Variants in CFAP20DC observed in about 807,000 individuals in gnomAD.
CFAP20DC encodes CFAP20 domain containing.
A neutral mutation model predicts 101.7 loss-of-function variants in CFAP20DC; 84 were observed. That is an observed-to-expected ratio of 0.83 (90% CI 0.69 to 0.99). The LOEUF (loss-of-function observed/expected upper bound fraction) is 0.99. CFAP20DC is among the 50% of genes least tolerant of loss of function. The pLI, the probability that CFAP20DC is intolerant of heterozygous loss-of-function variation, is 0.00. For synonymous variants in CFAP20DC, 359 were observed against 351.2 expected (o/e 1.02, Z -0.25); for missense variants, 1,007 against 970.3 (o/e 1.04, Z -0.50).
At chr3:58,787,089 T>C (rs2072412090) in intron 15 of CFAP20DC, among the ~76,000 whole-genome samples, 1 of 151,866 alleles carries the variant, frequency 6.6e-6, no homozygotes, top group Non-Finnish European at 1.5e-5. Flanking sequence ...AACAGTGCTA[T>C]AAAAATATAA....
At chr3:58,805,172 C>G (rs189276478) in intron 15 of CFAP20DC, among the ~76,000 whole-genome samples, 1 of 152,180 alleles carries the variant, frequency 6.6e-6, no homozygotes, top group Non-Finnish European at 1.5e-5. Context: ...GAAGTTCAGA[C>G]GTAGTCTGTT....
At chr3:58,834,388 T>C (rs1393859832) in intron 13 of CFAP20DC, among the ~76,000 whole-genome samples, 1 of 152,194 alleles carries the variant, frequency 6.6e-6, no homozygotes. Context: ...CAATACACAC[T>C]TTTACAATGA....
At position 58,882,108 on chromosome 3, in the gene CFAP20DC, T is replaced by A. The variant is rs553600893; in HGVS notation, c.715+2437A>T. Among the ~76,000 whole-genome samples, 2 of 152,132 alleles carry A rather than the reference T, an allele frequency of 1.3e-5. No homozygotes were observed. The highest frequency in any genetic ancestry group is 4.8e-5 in the African/African-American group (2 of 41,464). Reference sequence around the variant, plus strand: ...ACCCTATGGTTACAAACGAATATAATTGGGATTCACAGAGCAGAAGAAATA... The same window carrying A: ...ACCCTATGGTTACAAACGAATATAAATGGGATTCACAGAGCAGAAGAAATA... On this transcript the variant is annotated intron_variant, in intron 7 of 16. Transcript: ENST00000482387. This position sits in a 1 kb window ranked among gnomAD's most constrained non-coding sequence, Gnocchi z 4.2.
chr3:58,822,227 A>T (rs1322796114), intron 14 of CFAP20DC, among the ~76,000 whole-genome samples: 3 of 151,134 alleles, frequency 2.0e-5, no homozygotes, highest in Non-Finnish European at 4.4e-5. Context: ...GCACATCAGC[A>T]TGGCACATGT....
chr3:58,778,755 G>A (rs572610557), intron 15 of CFAP20DC, among the ~76,000 whole-genome samples: 6 of 152,166 alleles, frequency 3.9e-5, no homozygotes, highest in African/African-American at 9.7e-5. Context: ...ATTGAGGTCC[G>A]GAGACTGGCT....
At chr3:58,816,258 G>C (rs937842513) in intron 14 of CFAP20DC, among the ~76,000 whole-genome samples, 6 of 152,100 alleles carry the variant, frequency 3.9e-5, no homozygotes, top group Non-Finnish European at 5.9e-5. Context: ...ACTATCGCAA[G>C]AACAAAAAAC....
intron 4 of CFAP20DC, 114 bp from the exon 5 acceptor site, chr3:58,937,876 T>A: frequency 1.5e-6 from 1 of 662,024 alleles, no homozygotes; most frequent in Non-Finnish European, 2.6e-6. Context: ...AACAGGAAGA[T>A]CAAACACAGA....
chr3:58,830,654 T>C (rs1244865930), intron 14 of CFAP20DC, among the ~76,000 whole-genome samples: 1 of 152,218 alleles, frequency 6.6e-6, no homozygotes, highest in African/African-American at 2.4e-5. Flanking sequence ...AATCTTTATA[T>C]AGTTATATAT....
chr3:58,855,629 G>C (rs1185893966), intron 12 of CFAP20DC, among the ~76,000 whole-genome samples: 1 of 152,100 alleles, frequency 6.6e-6, no homozygotes, highest in South Asian at 2.1e-4. Flanking sequence ...ATGTGGCACA[G>C]ATACACCATG....
rs1266404407 is a variant in CFAP20DC at position 58,724,773 on chromosome 3, C to G, written c.198-7145G>C. On this transcript the variant is annotated intron_variant, in intron 3 of 3. Transcript: ENST00000486145. This position sits in a 1 kb window ranked among gnomAD's most constrained non-coding sequence, Gnocchi z 5.6. Reference sequence around the variant, plus strand: ...TATGAACTCTTAACCTGTCTCTTCTCAATCCTTTGTCGCCACCGGACTTCG... The same window carrying G: ...TATGAACTCTTAACCTGTCTCTTCTGAATCCTTTGTCGCCACCGGACTTCG... Among the ~76,000 whole-genome samples the G allele has an allele frequency of 1.3e-5, 2 of 152,138 alleles. No individual in the cohort carries two copies. The highest frequency in any genetic ancestry group is 2.9e-5 in the Non-Finnish European group (2 of 68,020).
Position 58,721,071 on chromosome 3 carries a change from G to C in CFAP20DC, c.198-3443C>G, listed in dbSNP as rs1320348234. Reference sequence around the variant, plus strand: ...AGGTTCCTCATTTTTCTCTCCCAGAGCTTTTCTTTCAACACATACCTCCAG... The same window carrying C: ...AGGTTCCTCATTTTTCTCTCCCAGACCTTTTCTTTCAACACATACCTCCAG... On this transcript the variant is annotated intron_variant, in intron 3 of 3. Coordinates refer to the CFAP20DC transcript ENST00000486145. The surrounding 1 kb of genome is among the most constrained non-coding windows in gnomAD (Gnocchi z 5.2). Among the ~76,000 whole-genome samples, 1 of 152,126 alleles carries C rather than the reference G, an allele frequency of 6.6e-6. No individual in the cohort carries two copies. Among genetic ancestry groups the C allele is most frequent in the East Asian group, 1.9e-4 (1 of 5,174 alleles).
At chr3:58,852,273 T>C (rs114718933) in intron 12 of CFAP20DC, among the ~76,000 whole-genome samples, 264 of 152,174 alleles carry the variant, frequency 1.7e-3, no homozygotes, top group African/African-American at 5.9e-3. Context: ...CTGCAGGTGA[T>C]AGTTAGAAGA....
intron 7 of CFAP20DC, among the ~76,000 whole-genome samples, chr3:58,880,103 T>C (rs2081113602): frequency 6.6e-6 from 1 of 152,080 alleles, no homozygotes; most frequent in South Asian, 2.1e-4. Flanking sequence ...CATACAATCA[T>C]TGACATCAAT....
intron 5 of CFAP20DC, among the ~76,000 whole-genome samples, chr3:58,934,968 A>G (rs1452073807): frequency 6.6e-6 from 1 of 152,224 alleles, no homozygotes; most frequent in Non-Finnish European, 1.5e-5. Flanking sequence ...CATTAGGAAA[A>G]GAGGAAGTCA....
intron 4 of CFAP20DC, among the ~76,000 whole-genome samples, chr3:58,941,981 T>C (rs2088671223): frequency 1.3e-5 from 2 of 152,256 alleles, no homozygotes; most frequent in Non-Finnish European, 2.9e-5. Flanking sequence ...ATTATGACCT[T>C]ATTAAGTATG....
Position 58,863,084 on chromosome 3 carries a change from A to C in CFAP20DC, c.1593+474T>G. On this transcript the variant is annotated intron_variant, in intron 12 of 16. Coordinates refer to ENST00000482387, the MANE Select transcript of CFAP20DC (RefSeq NM_001394063.1). The surrounding 1 kb of genome is among the most constrained non-coding windows in gnomAD (Gnocchi z 5.9). ...AAACTTTAATTGGCACAACTCTTCA[A>C]ATTCTGGGACCATATGGAAAATAAT... is the stretch of plus-strand genomic sequence containing the variant. 1 of 996,206 alleles carries C rather than the reference A, an allele frequency of 1.0e-6. No individual in the cohort carries two copies. 61.7% of individuals were successfully genotyped at this position (996,206 alleles called of 1,614,324 possible). A position where few individuals can be genotyped will look rare whatever the true frequency, so the allele number is the denominator to read the frequency against.
intron 13 of CFAP20DC, among the ~76,000 whole-genome samples, chr3:58,847,941 C>T (rs1274466506): frequency 1.6e-5 from 2 of 123,100 alleles, no homozygotes; most frequent in African/African-American, 6.4e-5. Context: ...ACCGCATATT[C>T]TCACTCATAG....
intron 14 of CFAP20DC, 109 bp downstream of exon 14, chr3:58,831,577 G>T: frequency 1.3e-6 from 1 of 781,526 alleles, no homozygotes; most frequent in Non-Finnish European, 2.1e-6. Context: ...TTTCTCATAG[G>T]GAGAGTTCTC....
intron 16 of CFAP20DC, among the ~76,000 whole-genome samples, chr3:58,750,989 A>T (rs1357606697): frequency 6.6e-6 from 1 of 152,192 alleles, no homozygotes; most frequent in East Asian, 1.9e-4. Context: ...TGGGGGGAAA[A>T]TTGAAAGTCA....
Sources: allele counts gnomAD v4.1 joint callset (sites outside exome capture counted in the v4.1 genomes callset), GRCh38; gene constraint gnomAD v4.1.1; non-coding constraint Gnocchi (gnomAD v3.1); transcripts MANE v1.5; gene names NCBI Gene and HGNC (gene_info 2026-07-23, HGNC 2026-07-21).